The following CALN1 variants were observed in gnomAD, a reference collection of about 807,000 sequenced individuals.
CALN1 encodes the protein calneuron 1, also known as calcium-binding protein 8.
Under a neutral mutation model 30.6 loss-of-function variants are expected in CALN1, and 17 were observed. The ratio of observed to expected loss-of-function variants is 0.56; its 90% confidence interval spans 0.38 to 0.83. CALN1 has a LOEUF of 0.83. Ranked by LOEUF, CALN1 falls within the 40% of genes least tolerant of loss-of-function variation. The pLI is 0.00. For missense variants in CALN1, 291 were observed against 354.9 expected, an observed-to-expected ratio of 0.82 and a Z score of 1.45; for synonymous variants, 156 against 131.4, an observed-to-expected ratio of 1.19 and a Z score of -1.28.
At chr7:71,808,895 A>G (rs1196920602) in intron 6 of CALN1, among the ~76,000 whole-genome samples, 2 of 152,042 alleles carry the variant, frequency 1.3e-5, no homozygotes, top group East Asian at 3.9e-4. Context: ...TCAGTTCTCA[A>G]TCCCTTCGCT....
At chr7:72,176,209 T>C (rs948035221) in intron 3 of CALN1, among the ~76,000 whole-genome samples, 1 of 152,164 alleles carries the variant, frequency 6.6e-6, no homozygotes, top group Admixed American at 6.5e-5. Flanking sequence ...TAAGCTACTT[T>C]TCGTGTTTCC....
At chr7:72,319,786 T>C (rs922025625) in intron 2 of CALN1, among the ~76,000 whole-genome samples, 3 of 151,984 alleles carry the variant, frequency 2.0e-5, no homozygotes, top group Non-Finnish European at 4.4e-5. Context: ...GGGTGGGCCT[T>C]GGGAGCTAAA....
intron 3 of CALN1, among the ~76,000 whole-genome samples, chr7:72,248,259 T>C (rs904899439): frequency 6.6e-6 from 1 of 152,090 alleles, no homozygotes; most frequent in Non-Finnish European, 1.5e-5. Flanking sequence ...GGATTACAAG[T>C]GCTCGCCACC....
intron 5 of CALN1, among the ~76,000 whole-genome samples, chr7:71,824,494 C>T (rs1393460037): frequency 6.6e-6 from 1 of 152,138 alleles, no homozygotes; most frequent in African/African-American, 2.4e-5. Flanking sequence ...GCCAGGCTGC[C>T]AAAAGCCCAG....
intron 2 of CALN1, among the ~76,000 whole-genome samples, chr7:72,300,418 C>CAAGAAAAA (rs1799176508): frequency 6.7e-6 from 1 of 148,600 alleles, no homozygotes; most frequent in African/African-American, 2.5e-5. Context: ...ACAACAACAA[C>CAAGAAAAA]AAAAAAGATA....
At chr7:72,183,300 G>C (rs1212490649) in intron 3 of CALN1, among the ~76,000 whole-genome samples, 1 of 152,118 alleles carries the variant, frequency 6.6e-6, no homozygotes, top group African/African-American at 2.4e-5. Context: ...TTTTTTAAAA[G>C]ATAACAGAAG....
At chr7:72,376,618 T>C (rs939848096) in intron 2 of CALN1, among the ~76,000 whole-genome samples, 1 of 152,250 alleles carries the variant, frequency 6.6e-6, no homozygotes, top group African/African-American at 2.4e-5. Context: ...ACCATTATAA[T>C]GTACTTTACT....
chr7:72,107,004 T>TAGAA (rs898792541), intron 3 of CALN1, among the ~76,000 whole-genome samples: 7 of 127,888 alleles, frequency 5.5e-5, no homozygotes, highest in Admixed American at 2.4e-4. Context: ...GAAAGAAAAA[T>TAGAA]AGAAAGAAAG....
intron 3 of CALN1, among the ~76,000 whole-genome samples, chr7:72,127,788 T>C (rs901141991): frequency 1.3e-5 from 2 of 148,590 alleles, no homozygotes; most frequent in African/African-American, 2.6e-5. Context: ...AATTGAACAG[T>C]AACTAATAAC....
intron 2 of CALN1, among the ~76,000 whole-genome samples, chr7:72,385,124 A>C (rs1032885769): frequency 6.6e-6 from 1 of 152,276 alleles, no homozygotes; most frequent in Non-Finnish European, 1.5e-5. Flanking sequence ...TATTAGAATG[A>C]CTAGAACATG....
At chr7:72,082,301 C>T (rs947830665) in intron 4 of CALN1, among the ~76,000 whole-genome samples, 3 of 152,164 alleles carry the variant, frequency 2.0e-5, no homozygotes, top group East Asian at 1.9e-4. Context: ...AAACTTTTAA[C>T]AGCTGCTGTG....
chr7:72,269,744 A>T (rs893648193), intron 3 of CALN1, among the ~76,000 whole-genome samples: 4 of 152,048 alleles, frequency 2.6e-5, no homozygotes, highest in Non-Finnish European at 5.9e-5. Flanking sequence ...ACACATAATC[A>T]CTCTAACATA....
chr7:72,289,722 G>A (rs1798343183), intron 2 of CALN1, among the ~76,000 whole-genome samples: 1 of 152,014 alleles, frequency 6.6e-6, no homozygotes, highest in Non-Finnish European at 1.5e-5. Context: ...AAATGATTAG[G>A]AAGTGATGAA....
At chr7:72,131,423 G>A (rs185559391) in intron 3 of CALN1, among the ~76,000 whole-genome samples, 1 of 152,210 alleles carries the variant, frequency 6.6e-6, no homozygotes, top group African/African-American at 2.4e-5. Flanking sequence ...TCCTCCAGTG[G>A]GGAGCTGAGC....
Position 71,892,030 on chromosome 7 carries a change from G to A in CALN1, c.502-81538C>T, listed in dbSNP as rs185823241. Reference sequence around the variant, plus strand: ...GATTATATAGACTAGAAGCTTGAGGGCAGAGACTATATCATGCCTGTCTCG... The same window carrying A: ...GATTATATAGACTAGAAGCTTGAGGACAGAGACTATATCATGCCTGTCTCG... On this transcript the variant is annotated intron_variant, in intron 5 of 6. Transcript: ENST00000395275. Among the ~76,000 whole-genome samples the A allele has an allele frequency of 3.9e-4, 60 of 152,156 alleles. 1 individual carries two copies. Among genetic ancestry groups the A allele is most frequent in the Non-Finnish European group, 7.2e-4 (49 of 68,000 alleles).
At chr7:72,144,649 C>G (rs1352577080) in intron 3 of CALN1, among the ~76,000 whole-genome samples, 1 of 152,164 alleles carries the variant, frequency 6.6e-6, no homozygotes, top group African/African-American at 2.4e-5. Flanking sequence ...GAACTCTCCA[C>G]CCAAAATCAA....
intron 5 of CALN1, among the ~76,000 whole-genome samples, chr7:71,899,318 T>G (rs1006230887): frequency 1.3e-5 from 2 of 152,096 alleles, no homozygotes; most frequent in African/African-American, 4.8e-5. Flanking sequence ...GAATTTTGTA[T>G]TTTTAGTAGA....
At position 72,433,777 on chromosome 7, in the gene CALN1, A is replaced by G. The variant is rs1808053914; in HGVS notation, c.-226+13265T>C. Among the ~76,000 whole-genome samples the G allele has an allele frequency of 2.6e-5, 4 of 152,112 alleles. No homozygotes were observed. The South Asian group carries it at 8.3e-4, about 32-fold the overall frequency. ...TTATGGGCTCTGATTCAAAATGTAC[A>G]TTGGAGGCGGGGCACAGTGGATCAC... On this transcript the variant is annotated intron_variant, in intron 1 of 6. Transcript: ENST00000395276.
intron 3 of CALN1, among the ~76,000 whole-genome samples, chr7:72,142,533 G>C (rs968900826): frequency 6.6e-6 from 1 of 152,232 alleles, no homozygotes; most frequent in South Asian, 2.1e-4. Flanking sequence ...TGCCTCTGGA[G>C]ACTCCACCTC....
Sources: allele counts gnomAD v4.1 joint callset (sites outside exome capture counted in the v4.1 genomes callset), GRCh38; gene constraint gnomAD v4.1.1; transcripts MANE v1.5; gene names NCBI Gene and HGNC (gene_info 2026-07-23, HGNC 2026-07-21).